Variants in WDPCP observed in about 807,000 individuals in gnomAD.
WDPCP encodes WD repeat containing planar cell polarity effector, also known as WD repeat-containing and planar cell polarity effector protein fritz homolog.
WDPCP carries 71 observed loss-of-function variants against 93.1 expected under a neutral mutation model. The ratio of observed to expected loss-of-function variants is 0.76; its 90% CI spans 0.63 to 0.93. WDPCP has a LOEUF of 0.93. WDPCP is among the 40% of genes least tolerant of loss of function. The pLI, the probability that WDPCP is intolerant of heterozygous loss-of-function variation, is 0.00. For missense variants in WDPCP, 844 were observed against 887.4 expected, an observed-to-expected ratio of 0.95 and a Z score of 0.62; for synonymous variants, 315 against 315.0, an observed-to-expected ratio of 1.00 and a Z score of 0.00.
the WDPCP span, among the ~76,000 whole-genome samples, chr2:63,835,737 TC>T: frequency 6.6e-6 from 1 of 152,188 alleles, no homozygotes; most frequent in Admixed American, 6.5e-5. Context: ...CTCCTCTTTT[TC>T]ATTAGAGAGA....
chr2:63,326,690 CAAAG>C (rs2104263496), intron 12 of WDPCP, among the ~76,000 whole-genome samples: 1 of 149,432 alleles, frequency 6.7e-6, no homozygotes, highest in East Asian at 2.0e-4. Context: ...GATAGGAAGT[CAAAG>C]AGAAGGAGAC....
chr2:63,686,551 T>C (rs1163822925), intron 2 of WDPCP, among the ~76,000 whole-genome samples: 1 of 151,832 alleles, frequency 6.6e-6, no homozygotes, highest in African/African-American at 2.4e-5. Flanking sequence ...TCCATCAAAA[T>C]ACCAATGACA....
At chr2:63,230,887 T>G (rs1574937172) in intron 14 of WDPCP, among the ~76,000 whole-genome samples, 1 of 152,190 alleles carries the variant, frequency 6.6e-6, no homozygotes, top group African/African-American at 2.4e-5. Context: ...GTAGGTTGCC[T>G]GTTCACTCTG....
chr2:63,496,268 T>C (rs969586820), intron 1 of WDPCP, among the ~76,000 whole-genome samples: 28 of 152,348 alleles, frequency 1.8e-4, no homozygotes, highest in African/African-American at 6.7e-4. Flanking sequence ...CTTGAAATTC[T>C]GTATTTCAGT....
chr2:63,277,595 G>A (rs756770685), intron 13 of WDPCP, among the ~76,000 whole-genome samples: 1 of 152,178 alleles, frequency 6.6e-6, no homozygotes, highest in African/African-American at 2.4e-5. Flanking sequence ...AAGTGAGCAG[G>A]AGTAGCTATT....
At chr2:63,839,832 T>A in the WDPCP span, among the ~76,000 whole-genome samples, 1 of 152,214 alleles carries the variant, frequency 6.6e-6, no homozygotes, top group African/African-American at 2.4e-5. Context: ...TGGGGAAAAT[T>A]CGTTTTACGG....
chr2:63,395,589 T>C (rs566139094), intron 10 of WDPCP, among the ~76,000 whole-genome samples: 1 of 152,266 alleles, frequency 6.6e-6, no homozygotes, highest in East Asian at 1.9e-4. Flanking sequence ...ATGGAAAGCG[T>C]ATCAATGCTC....
chr2:63,771,595 G>A (rs1670227217), intron 2 of WDPCP, among the ~76,000 whole-genome samples: 1 of 151,758 alleles, frequency 6.6e-6, no homozygotes, highest in Non-Finnish European at 1.5e-5. Context: ...GCAGGTCTGG[G>A]TTAATTGTTA....
chr2:63,681,665 A>G (rs1710492028), intron 2 of WDPCP, among the ~76,000 whole-genome samples: 1 of 152,172 alleles, frequency 6.6e-6, no homozygotes, highest in South Asian at 2.1e-4. Flanking sequence ...TGCTGATTGT[A>G]GAGCCCCAAG....
chr2:63,146,698 T>A (rs931518794), intron 17 of WDPCP, among the ~76,000 whole-genome samples: 6 of 152,142 alleles, frequency 3.9e-5, no homozygotes, highest in Non-Finnish European at 7.4e-5. Flanking sequence ...ATGTTAATGA[T>A]ATGTATGCTA....
At chr2:63,446,532 T>C (rs2105590507) in intron 6 of WDPCP, among the ~76,000 whole-genome samples, 1 of 152,300 alleles carries the variant, frequency 6.6e-6, no homozygotes, top group South Asian at 2.1e-4. Flanking sequence ...TTAGGCAGAT[T>C]TGGAAACTTC....
intron 3 of WDPCP, chr2:63,594,594 CA>C (rs1486590327): frequency 6.3e-7 from 1 of 1,575,872 alleles, no homozygotes; most frequent in Non-Finnish European, 8.7e-7. Context: ...CAGGTAGGAA[CA>C]GGTGTCTATA....
At chr2:63,160,458 T>C (rs572155536) in intron 15 of WDPCP, among the ~76,000 whole-genome samples, 8 of 152,320 alleles carry the variant, frequency 5.3e-5, no homozygotes, top group African/African-American at 1.2e-4. Flanking sequence ...CAAATTTGAC[T>C]ATCACAAAGA....
At chr2:63,747,019 T>C (rs1250017612) in intron 2 of WDPCP, among the ~76,000 whole-genome samples, 1 of 152,008 alleles carries the variant, frequency 6.6e-6, no homozygotes, top group Non-Finnish European at 1.5e-5. Flanking sequence ...AAAATTTCTC[T>C]CTTTTGTACT....
rs1235296088 is a variant in WDPCP, at chr2:63,487,390, T to A, written c.208+57A>T. 12 of 1,279,880 alleles carry A rather than the reference T, an allele frequency of 9.4e-6. No individual in the cohort carries two copies. In the Admixed American group the frequency reaches 1.9e-4, roughly 21 times the overall value. The allele number at this position is 1,279,880 out of a possible 1,614,324, so 79.3% of individuals were successfully genotyped here. On this transcript the variant is annotated intron_variant, in intron 3 of 17. Transcript: ENST00000272321. ...GAAGAGAGCTTTTAATGGTCAGTAT[T>A]TCATGGTTTAGAATATTTAGTTAAT...
At chr2:63,686,375 C>T (rs1224341972) in intron 2 of WDPCP, among the ~76,000 whole-genome samples, 2 of 152,052 alleles carry the variant, frequency 1.3e-5, no homozygotes, top group Admixed American at 6.5e-5. Flanking sequence ...TACAAATTTA[C>T]TTAACCAAAA....
the WDPCP span, among the ~76,000 whole-genome samples, chr2:63,836,331 C>T: frequency 6.6e-6 from 1 of 152,106 alleles, no homozygotes; most frequent in African/African-American, 2.4e-5. Flanking sequence ...CATCAAAAGT[C>T]ATTTGATGGA....
intron 2 of WDPCP, among the ~76,000 whole-genome samples, chr2:63,683,228 A>G (rs1402388679): frequency 6.6e-6 from 1 of 152,194 alleles, no homozygotes; most frequent in African/African-American, 2.4e-5. Context: ...AAATGTCAGA[A>G]GCAAGTCCTT....
At chr2:63,582,170 A>G (rs1184989808) in intron 1 of WDPCP, among the ~76,000 whole-genome samples, 4 of 152,184 alleles carry the variant, frequency 2.6e-5, no homozygotes. Context: ...AACAATGATT[A>G]TAACTGTATT....
Sources: gnomAD v4.1 joint callset for allele counts (sites outside exome capture counted in the v4.1 genomes callset) on GRCh38, gnomAD v4.1.1 for gene constraint, MANE v1.5 for transcripts, NCBI Gene and HGNC (gene_info 2026-07-23, HGNC 2026-07-21) for gene names.